ADCY1: variants seen among roughly 807,000 people sequenced by gnomAD.
ADCY1 encodes adenylate cyclase type 1.
A neutral mutation model predicts 105.4 loss-of-function variants in ADCY1; 28 were observed. The ratio of observed to expected loss-of-function variants is 0.27; its 90% CI spans 0.20 to 0.36. The LOEUF is 0.36. Ranked by LOEUF, ADCY1 falls within the 10% of genes least tolerant of loss-of-function variation. ADCY1 has a pLI of 1.00. For missense variants in ADCY1, 977 were observed against 1,434.2 expected (o/e 0.68, Z 5.15); for synonymous variants, 655 against 623.8 (o/e 1.05, Z -0.75).
At chr7:45,664,459 C>T (rs1795216271) in intron 8 of ADCY1, 10 of 1,524,072 alleles carry the variant, frequency 6.6e-6, no homozygotes, top group South Asian at 1.2e-5. Context: ...AGGGCATTCA[C>T]GCCAGCTCTG....
intron 4 of ADCY1, among the ~76,000 whole-genome samples, chr7:45,644,716 T>G (rs1485949758): frequency 1.3e-5 from 2 of 152,212 alleles, no homozygotes; most frequent in Non-Finnish European, 2.9e-5. Context: ...CCTGTGGTGC[T>G]TTATTGCAGT....
In ADCY1 at chr7:45,720,298, G is replaced by A. The variant is rs1035958076; in HGVS notation, c.*6303G>A. 6.6e-6 allele frequency: 1 copy of A among 152,022 alleles called. No homozygotes were observed. The highest frequency in any genetic ancestry group is 6.6e-5 in the Admixed American group (1 of 15,262). The allele number at this position is 152,022 out of a possible 1,614,324, so 9.4% of individuals were successfully genotyped here. ...GGCGGAGGCGGGTGGATCCATTGAG[G>A]TCAGGAGCTCAAGACCAGCCTGGTC... On this transcript the variant is annotated 3_prime_UTR_variant, in exon 20 of 20. Transcript: ENST00000297323.
Position 45,710,550 on chromosome 7 carries a change from G to A in ADCY1, c.2955G>A (p.Val985=). The change falls in exon 19 of 20, where the codon GTG becomes GTA. Residue 985 remains valine, a synonymous_variant. Transcript: ENST00000297323. The surrounding 1 kb of genome is among the most constrained non-coding windows in gnomAD (Gnocchi z 4.7). ...TAGGCATCAATGTTGGCCCTGTGGTGGCTGGAGTGATTGGCGCTCGCAGGC... is the reference window on the plus strand; with the variant it reads ...TAGGCATCAATGTTGGCCCTGTGGTAGCTGGAGTGATTGGCGCTCGCAGGC... ...LRVGINVGPV[V]AGVIGARRPQ... is the part of the protein sequence containing the mutation. 6.2e-7 allele frequency: 1 copy of A among 1,614,064 alleles called. No individual in the cohort carries two copies. The highest frequency in any genetic ancestry group is 1.7e-5 in the Admixed American group (1 of 60,016).
At chr7:45,627,844 C>T (rs997717401) in intron 4 of ADCY1, among the ~76,000 whole-genome samples, 9 of 152,164 alleles carry the variant, frequency 5.9e-5, no homozygotes, top group African/African-American at 2.2e-4. Context: ...CTCCAGAATC[C>T]ACTCGTGGGG....
At position 45,719,996 on chromosome 7, in the gene ADCY1, G is replaced by A. The variant is rs905093443; in HGVS notation, c.*6001G>A. On this transcript the variant is annotated 3_prime_UTR_variant, in exon 20 of 20. Transcript: ENST00000297323. ...ACTTATTTTTTCTTTTTGGGTTCTC[G>A]GTGTGCAGAGGCTGTAGAGAGAGCC... The A allele has an allele frequency of 1.3e-5, 2 of 152,068 alleles. No individual in the cohort carries two copies. The highest frequency in any genetic ancestry group is 2.9e-5 in the Non-Finnish European group (2 of 68,020). 9.4% of individuals were successfully genotyped at this position (152,068 alleles called of 1,614,324 possible). A position where few individuals can be genotyped will look rare whatever the true frequency, so the allele number is the denominator to read the frequency against.
At chr7:45,671,253 T>G (rs1784359863) in intron 8 of ADCY1, among the ~76,000 whole-genome samples, 1 of 152,152 alleles carries the variant, frequency 6.6e-6, no homozygotes. Context: ...ATCCAAGTTG[T>G]GTGTGTTAAT....
Position 45,574,583 on chromosome 7 carries a change from G to T in ADCY1, c.40G>T (p.Gly14Cys), listed in dbSNP as rs1792264453. Residue 14 changes from glycine (G) to cysteine (C), a missense_variant, in exon 1 of 20, where the codon GGC (glycine) becomes TGC (cysteine). Physicochemically the swap from Gly to Cys is radical, Grantham distance 159. This residue lies in a region of ADCY1 where 209 missense variants were observed against 222.5 expected (regional missense o/e 0.94). Coordinates refer to ENST00000297323, the MANE Select transcript of ADCY1 (RefSeq NM_021116.4). This position sits in a 1 kb window ranked among gnomAD's most constrained non-coding sequence, Gnocchi z 7.0. The stretch of plus-strand genomic sequence containing the variant: ...GCGCGGCGGAGGCGGCGGCGGAGGC[G>T]GCGCGGGCGAGCCCGGGGGCGCCGA... ...APRGGGGGGG[G>C]AGEPGGAERA... 1.7e-5 allele frequency: 17 copies of T among 1,021,128 alleles called. No homozygotes were observed. Among genetic ancestry groups the T allele is most frequent in the Non-Finnish European group, 2.0e-5 (17 of 855,272 alleles). The allele number at this position is 1,021,128 out of a possible 1,614,324, so 63.3% of individuals were successfully genotyped here. A position where few individuals can be genotyped will look rare whatever the true frequency, so the allele number is the denominator to read the frequency against.
chr7:45,595,332 G>T (rs1003747858), intron 2 of ADCY1, among the ~76,000 whole-genome samples: 1 of 152,142 alleles, frequency 6.6e-6, no homozygotes, highest in Non-Finnish European at 1.5e-5. Flanking sequence ...CAGGGGGGTT[G>T]GGGTTCTGAT....
At chr7:45,662,732 G>A (rs572391999) in intron 8 of ADCY1, among the ~76,000 whole-genome samples, 1 of 152,222 alleles carries the variant, frequency 6.6e-6, no homozygotes, top group Non-Finnish European at 1.5e-5. Flanking sequence ...ACGTCCAGAC[G>A]AGCAAAACAG....
intron 5 of ADCY1, among the ~76,000 whole-genome samples, chr7:45,653,251 C>CGG (rs1305602515): frequency 2.0e-5 from 3 of 152,130 alleles, no homozygotes; most frequent in Non-Finnish European, 4.4e-5. Flanking sequence ...TCAGTTTTCC[C>CGG]CCTCTGTAAA....
In ADCY1 at chr7:45,624,032, A is replaced by G. The variant is rs113296300; in HGVS notation, c.1020+1289A>G. Among the ~76,000 whole-genome samples, 529 of 152,254 alleles carry G rather than the reference A, an allele frequency of 3.5e-3. 5 individuals are homozygous for G. Among genetic ancestry groups the G allele is most frequent in the African/African-American group, 0.012 (499 of 41,544 alleles). ...ATCAGTGTGAGAGGAAGGGGCAGTG[A>G]GCTCTGTTCAGCAAGGCAGCATCTT... On this transcript the variant is annotated intron_variant, in intron 4 of 19. Coordinates refer to ENST00000297323, the MANE Select transcript of ADCY1 (RefSeq NM_021116.4).
chr7:45,609,909 G>C (rs1289369594), intron 2 of ADCY1, among the ~76,000 whole-genome samples: 1 of 152,242 alleles, frequency 6.6e-6, no homozygotes, highest in African/African-American at 2.4e-5. Context: ...AGAAGACAAA[G>C]ACCAAGAAAG....
intron 5 of ADCY1, among the ~76,000 whole-genome samples, chr7:45,657,471 T>C (rs1406117395): frequency 6.6e-6 from 1 of 152,130 alleles, no homozygotes; most frequent in Non-Finnish European, 1.5e-5. Context: ...AACTCATGAG[T>C]CTGGTGTGGA....
At chr7:45,610,774 AGGTGTGGGGGTG>A in intron 3 of ADCY1, among the ~76,000 whole-genome samples, 1 of 144,950 alleles carries the variant, frequency 6.9e-6, no homozygotes, top group African/African-American at 2.6e-5. Context: ...GTGATAGTGG[AGGTGTGGGGGTG>A]ATGGTGGAGG....
intron 8 of ADCY1, among the ~76,000 whole-genome samples, chr7:45,669,719 A>G (rs555073428): frequency 6.6e-6 from 1 of 152,198 alleles, no homozygotes; most frequent in Non-Finnish European, 1.5e-5. Context: ...AAATTTTTTT[A>G]AAATATAACT....
chr7:45,647,779 T>C lies in ADCY1; in HGVS notation c.1021-891T>C. 6.6e-6 allele frequency among the ~76,000 whole-genome samples: 1 copy of C among 152,252 alleles called. No individual in the cohort carries two copies. Among genetic ancestry groups the C allele is most frequent in the East Asian group, 1.9e-4 (1 of 5,204 alleles). ...TCATAAAATGTTATTTATGTTAACA[T>C]GCAGTGGATTCATTATTATTTTAAA... is the stretch of plus-strand genomic sequence containing the variant. On this transcript the variant is annotated intron_variant, in intron 4 of 19. Transcript: ENST00000297323. This position sits in a 1 kb window ranked among gnomAD's most constrained non-coding sequence, Gnocchi z 4.6.
intron 2 of ADCY1, among the ~76,000 whole-genome samples, chr7:45,598,815 C>T (rs1268186506): frequency 6.6e-6 from 1 of 152,224 alleles, no homozygotes; most frequent in Non-Finnish European, 1.5e-5. Flanking sequence ...AAAGCTCGCT[C>T]TCTGAGCCTA....
intron 8 of ADCY1, among the ~76,000 whole-genome samples, chr7:45,668,488 C>T (rs1784305725): frequency 6.6e-6 from 1 of 152,190 alleles, no homozygotes; most frequent in African/African-American, 2.4e-5. Context: ...CCCACTTGAT[C>T]ATGGTGGATA....
At chr7:45,642,506 G>C (rs904610394) in intron 4 of ADCY1, among the ~76,000 whole-genome samples, 3 of 152,164 alleles carry the variant, frequency 2.0e-5, no homozygotes, top group Non-Finnish European at 4.4e-5. Context: ...CCCATCCTCT[G>C]TGACATTTTT....
Sources: gnomAD v4.1 joint callset for allele counts (sites outside exome capture counted in the v4.1 genomes callset) on GRCh38, gnomAD v4.1.1 for gene constraint, gnomAD v4.1.1 regional missense constraint, Gnocchi (gnomAD v3.1) non-coding constraint, MANE v1.5 for transcripts, NCBI Gene and HGNC (gene_info 2026-07-23, HGNC 2026-07-21) for gene names.